CFAP43: variants seen among roughly 807,000 people sequenced by gnomAD.
The protein encoded by CFAP43 is cilia and flagella associated protein 43, also known as cilia- and flagella-associated protein 43.
Under a neutral mutation model 218.9 loss-of-function variants are expected in CFAP43, and 155 were observed. The observed-to-expected ratio is 0.71, with a 90% confidence interval of 0.62 to 0.81. The LOEUF (loss-of-function observed/expected upper bound fraction) is 0.81, where lower values mean the gene tolerates loss of function less well. Among genes scored for constraint, CFAP43 ranks in the 30% least tolerant of loss-of-function variants. CFAP43 has a pLI of 0.00. For synonymous variants in CFAP43, 645 were observed against 681.3 expected (o/e 0.95, Z 0.83); for missense variants, 1,778 against 1,954.3 (o/e 0.91, Z 1.70).
chr10:104,194,738 A>G (rs2090337060), intron 10 of CFAP43, among the ~76,000 whole-genome samples: 1 of 152,246 alleles, frequency 6.6e-6, no homozygotes, highest in African/African-American at 2.4e-5. Flanking sequence ...TTCTTTCTCT[A>G]TCAACACTTT....
Position 104,133,605 on chromosome 10 carries a change from G to A in CFAP43, c.4596+15C>T. 6.2e-7 allele frequency: 1 copy of A among 1,607,966 alleles called. No individual in the cohort carries two copies. The highest frequency in any genetic ancestry group is 8.5e-7 in the Non-Finnish European group (1 of 1,177,776). On this transcript the variant is annotated intron_variant, in intron 35 of 37. Transcript: ENST00000357060. ...AATAAAATTAAAACTATGTAGGGGG[G>A]TAGGGAGAATTTACCTTTTGACGAT...
rs1033167975 is a variant in CFAP43 at position 104,191,796 on chromosome 10, G to T, written c.1546+403C>A. Among the ~76,000 whole-genome samples, 11 of 147,574 alleles carry T rather than the reference G, an allele frequency of 7.5e-5. No individual in the cohort carries two copies. The East Asian group carries it at 1.0e-3, about 14-fold the overall frequency. On this transcript the variant is annotated intron_variant, in intron 12 of 37. Transcript: ENST00000357060. ...TAAAAAAAATTGTGTGTGTGGGGGGGGGGAAACACATATACAGTTGGCATG... is the reference window on the plus strand; with the variant it reads ...TAAAAAAAATTGTGTGTGTGGGGGGTGGGAAACACATATACAGTTGGCATG...
chr10:104,136,983 A>T (rs927822619), intron 34 of CFAP43, among the ~76,000 whole-genome samples: 12 of 152,216 alleles, frequency 7.9e-5, no homozygotes, highest in Non-Finnish European at 1.5e-4. Context: ...ACAAGTTTTG[A>T]TAGGGACGTA....
intron 16 of CFAP43, 94 bp downstream of exon 16, chr10:104,184,922 C>T: frequency 6.6e-7 from 1 of 1,519,002 alleles, no homozygotes; most frequent in South Asian, 1.3e-5. Flanking sequence ...CAGTGGTCTC[C>T]CAGCACGTTG....
intron 19 of CFAP43, among the ~76,000 whole-genome samples, chr10:104,174,055 T>C (rs1473879602): frequency 6.6e-6 from 1 of 152,234 alleles, no homozygotes. Context: ...GAGAAATATG[T>C]TATTTTCAAA....
chr10:104,215,488 C>T (rs1379821990), intron 3 of CFAP43, among the ~76,000 whole-genome samples: 3 of 152,112 alleles, frequency 2.0e-5, no homozygotes, highest in Non-Finnish European at 2.9e-5. Flanking sequence ...TGACTTTTTG[C>T]ATCAGGTACC....
Position 104,164,026 on chromosome 10 carries a change from T to C in CFAP43, c.3246+68A>G. On this transcript the variant is annotated intron_variant, in intron 24 of 37. Coordinates refer to ENST00000357060, the MANE Select transcript of CFAP43 (RefSeq NM_025145.7). ...AATCACTTCCCACAGAGTAACCAAGTTGAACAAATAGGAGCTGGGGAAAGT... is the reference window on the plus strand; with the variant it reads ...AATCACTTCCCACAGAGTAACCAAGCTGAACAAATAGGAGCTGGGGAAAGT... 3.2e-6 allele frequency: 5 copies of C among 1,541,808 alleles called. No homozygotes were observed. The South Asian group carries it at 3.5e-5, about 11-fold the overall frequency.
At chr10:104,135,510 G>A (rs1160964694) in intron 34 of CFAP43, among the ~76,000 whole-genome samples, 5 of 152,070 alleles carry the variant, frequency 3.3e-5, no homozygotes, top group Non-Finnish European at 7.4e-5. Flanking sequence ...CCCTACTAGA[G>A]ATAATACATA....
At chr10:104,156,740 T>A (rs2088567507) in intron 27 of CFAP43, among the ~76,000 whole-genome samples, 1 of 151,974 alleles carries the variant, frequency 6.6e-6, no homozygotes, top group Non-Finnish European at 1.5e-5. Flanking sequence ...ATTTAAAAGG[T>A]TTTGTACATA....
intron 20 of CFAP43, among the ~76,000 whole-genome samples, chr10:104,171,392 C>A (rs939515982): frequency 8.5e-5 from 13 of 152,226 alleles, no homozygotes; most frequent in African/African-American, 3.1e-4. Flanking sequence ...ATGTCATTCA[C>A]TAATTTGACA....
intron 1 of CFAP43, among the ~76,000 whole-genome samples, chr10:104,231,520 A>G (rs923972306): frequency 5.9e-5 from 9 of 152,186 alleles, no homozygotes; most frequent in African/African-American, 2.2e-4. Context: ...TATTAAAGGT[A>G]TGCTTGAAGA....
chr10:104,165,649 C>G (rs1464769929), intron 23 of CFAP43, among the ~76,000 whole-genome samples: 2 of 152,054 alleles, frequency 1.3e-5, no homozygotes, highest in East Asian at 3.9e-4. Context: ...AACCTTCAGT[C>G]AGGGTTTCTA....
intron 10 of CFAP43, among the ~76,000 whole-genome samples, chr10:104,195,376 A>G (rs1315692280): frequency 6.6e-6 from 1 of 152,220 alleles, no homozygotes; most frequent in African/African-American, 2.4e-5. Flanking sequence ...AGGACATGTG[A>G]TTAAATGCAC....
At chr10:104,144,621 C>T (rs1267948644) in intron 31 of CFAP43, among the ~76,000 whole-genome samples, 1 of 152,146 alleles carries the variant, frequency 6.6e-6, no homozygotes, top group African/African-American at 2.4e-5. Flanking sequence ...TGCACTCCAG[C>T]CTGGGTGACA....
At chr10:104,164,752 A>C (rs749940910) in intron 23 of CFAP43, among the ~76,000 whole-genome samples, 8 of 152,202 alleles carry the variant, frequency 5.3e-5, no homozygotes, top group Non-Finnish European at 8.8e-5. Context: ...ACTACTTAAT[A>C]TTAAGTCATT....
Position 104,164,156 on chromosome 10 carries a change from A to G in CFAP43, c.3184T>C (p.Trp1062Arg). ...ILDLELEEAV[W>R]QPEFEDCEKP... ...TCACAGTCTTCAAATTCTGGTTGCC[A>G]GACTGCTTCTTCCAATTCCAGATCT... The change falls in exon 24 of 38, where the codon TGG becomes CGG. Residue 1062 changes from tryptophan to arginine, a missense_variant. By Grantham distance (101) the Trp-to-Arg change is moderately radical. Transcript: ENST00000357060. The G allele has an allele frequency of 6.2e-7, 1 of 1,614,246 alleles. No homozygotes were observed. Among genetic ancestry groups the G allele is most frequent in the East Asian group, 2.2e-5 (1 of 44,884 alleles).
chr10:104,188,082 T>C (rs1335560989), intron 13 of CFAP43, among the ~76,000 whole-genome samples, 188 bp downstream of exon 13: 1 of 152,166 alleles, frequency 6.6e-6, no homozygotes, highest in Non-Finnish European at 1.5e-5. Context: ...GACTCATGAG[T>C]CAGGAAGCCC....
At chr10:104,199,937 A>T (rs1361265896) in intron 8 of CFAP43, among the ~76,000 whole-genome samples, 1 of 152,208 alleles carries the variant, frequency 6.6e-6, no homozygotes, top group East Asian at 1.9e-4. Context: ...AGAATTAAAT[A>T]AGTTTTATTG....
At position 104,188,325 on chromosome 10, in the gene CFAP43, T is replaced by C. The variant is rs1589737711; in HGVS notation, c.1632A>G (p.Pro544=). ...TCTCCAACCTGCTTCTCCCTGCTTC[T>C]GGAAGCGAGGAAAGCACCATCACTT... is the stretch of plus-strand genomic sequence containing the variant. ...IVEVMVLSSL[P]EAGRSRLEMF... is the part of the protein sequence containing the mutation. The change falls in exon 13 of 38, where the codon CCA becomes CCG. Residue 544 remains proline (P), a synonymous_variant. Transcript: ENST00000357060. 2 of 1,614,200 alleles carry C rather than the reference T, an allele frequency of 1.2e-6. No individual in the cohort carries two copies. Among genetic ancestry groups the C allele is most frequent in the African/African-American group, 2.7e-5 (2 of 75,048 alleles).
Sources: allele counts gnomAD v4.1 joint callset (sites outside exome capture counted in the v4.1 genomes callset), GRCh38; gene constraint gnomAD v4.1.1; transcripts MANE v1.5; gene names NCBI Gene and HGNC (gene_info 2026-07-23, HGNC 2026-07-21).